The following PKIB variants were observed in gnomAD, a reference collection of about 807,000 sequenced individuals.
PKIB encodes PKI-beta.
Under a neutral mutation model 4.5 loss-of-function variants are expected in PKIB, and 2 were observed. The observed-to-expected ratio is 0.44, with a 90% CI of 0.18 to 1.39. The LOEUF (loss-of-function observed/expected upper bound fraction) is 1.39, where lower values mean the gene tolerates loss of function less well. PKIB is among the 40% of genes most tolerant of loss of function. PKIB has a pLI of 0.27. For synonymous variants in PKIB, 38 were observed against 36.0 expected (o/e 1.06, Z -0.20); for missense variants, 94 against 92.6 (o/e 1.02, Z -0.06).
At chr6:122,606,508 G>A (rs1249660726), upstream of PKIB, among the ~76,000 whole-genome samples, 1 of 150,810 alleles carries the variant, frequency 6.6e-6, no homozygotes, top group Non-Finnish European at 1.5e-5. Context: ...GGAGGCAGAG[G>A]TTGCAGTGAG....
chr6:122,708,715 C>A (rs1326557392), intron 3 of PKIB, among the ~76,000 whole-genome samples: 1 of 152,112 alleles, frequency 6.6e-6, no homozygotes, highest in Non-Finnish European at 1.5e-5. Context: ...GTCACTGCAA[C>A]CTCCTCCTCC....
At chr6:122,605,683 C>G (rs2114748069), upstream of PKIB, among the ~76,000 whole-genome samples, 1 of 152,236 alleles carries the variant, frequency 6.6e-6, no homozygotes, top group Non-Finnish European at 1.5e-5. Flanking sequence ...CCCCTCCCCT[C>G]CAAGAGGGAA....
rs201407344 is a variant in PKIB at position 122,621,544 on chromosome 6, C to T, written c.-161+11009C>T. Among the ~76,000 whole-genome samples the T allele has an allele frequency of 2.6e-5, 4 of 152,228 alleles. No homozygotes were observed. The East Asian group carries it at 5.8e-4, about 22-fold the overall frequency. ...GAATGGTTTCTCTGTAGAGGTGATG[C>T]TATTGTTAGATCTTGAAAGATAACC... On this transcript the variant is annotated intron_variant, in intron 1 of 4. Coordinates refer to ENST00000368452, the MANE Select transcript of PKIB (RefSeq NM_181795.3).
At chr6:122,674,657 A>T (rs1332718386) in intron 2 of PKIB, among the ~76,000 whole-genome samples, 2 of 152,200 alleles carry the variant, frequency 1.3e-5, no homozygotes, top group Non-Finnish European at 2.9e-5. Flanking sequence ...GATTCTCTAC[A>T]ATTATATTCT....
At chr6:122,703,133 A>T (rs1778899662) in intron 3 of PKIB, among the ~76,000 whole-genome samples, 1 of 152,218 alleles carries the variant, frequency 6.6e-6, no homozygotes, top group Non-Finnish European at 1.5e-5. Flanking sequence ...TAAGTAAAAG[A>T]TAATATAACA....
At chr6:122,576,710 A>ATATATTTTTT (rs59569106) in intron 2 of PKIB, among the ~76,000 whole-genome samples, 1,182 of 109,556 alleles carry the variant, frequency 0.011, 40 homozygotes, top group African/African-American at 0.046. Context: ...ATATATATAT[A>ATATATTTTTT]TTTTCTTTTG....
chr6:122,691,564 T>C (rs932489374), intron 3 of PKIB, among the ~76,000 whole-genome samples: 3 of 152,128 alleles, frequency 2.0e-5, no homozygotes, highest in African/African-American at 7.2e-5. Flanking sequence ...CTTTGTTACA[T>C]TTAACCGATA....
chr6:122,702,813 T>C (rs1778881990), intron 3 of PKIB, among the ~76,000 whole-genome samples: 1 of 152,182 alleles, frequency 6.6e-6, no homozygotes, highest in African/African-American at 2.4e-5. Context: ...TACTGTGGCA[T>C]AATGTATAAC....
chr6:122,501,929 CTTT>C (rs59519477), intron 2 of PKIB, among the ~76,000 whole-genome samples: 2,766 of 124,592 alleles, frequency 0.022, 76 homozygotes, highest in African/African-American at 0.071. Context: ...AGCCAGGCCA[CTTT>C]TTTTTTTTTT....
chr6:122,630,743 G>A (rs1032954800), intron 1 of PKIB, among the ~76,000 whole-genome samples: 3 of 152,028 alleles, frequency 2.0e-5, no homozygotes. Flanking sequence ...TGATAAAATC[G>A]GTACTGCACG....
At chr6:122,516,541 CT>C (rs1776759250) in intron 2 of PKIB, among the ~76,000 whole-genome samples, 1 of 152,124 alleles carries the variant, frequency 6.6e-6, no homozygotes, top group African/African-American at 2.4e-5. Flanking sequence ...TCAATATTTA[CT>C]AGGTGACTAA....
intron 2 of PKIB, chr6:122,483,597 G>A (rs530086547): frequency 2.6e-5 from 4 of 152,274 alleles, no homozygotes; most frequent in East Asian, 1.9e-4. Context: ...TAACTCAAAG[G>A]TTTGGTTAGA....
intron 2 of PKIB, among the ~76,000 whole-genome samples, chr6:122,537,131 T>C (rs1390025542): frequency 6.6e-6 from 1 of 152,116 alleles, no homozygotes; most frequent in Non-Finnish European, 1.5e-5. Flanking sequence ...GTTGCTTCTT[T>C]ATTCTTCTTT....
chr6:122,555,912 G>A (rs1304603569), intron 2 of PKIB, among the ~76,000 whole-genome samples: 1 of 152,174 alleles, frequency 6.6e-6, no homozygotes, highest in African/African-American at 2.4e-5. Flanking sequence ...CAAAAGTTCA[G>A]GGGCTTGTCA....
intron 2 of PKIB, among the ~76,000 whole-genome samples, chr6:122,575,980 A>G (rs904431698): frequency 1.3e-5 from 2 of 152,236 alleles, no homozygotes; most frequent in East Asian, 1.9e-4. Context: ...GCAAGAAGCC[A>G]GACACACAAC....
intron 2 of PKIB, among the ~76,000 whole-genome samples, chr6:122,484,571 A>G (rs1244609657): frequency 2.0e-5 from 3 of 152,226 alleles, no homozygotes; most frequent in Non-Finnish European, 4.4e-5. Flanking sequence ...AAGTGAAGGG[A>G]TCATTTTCAG....
chr6:122,544,165 A>G (rs1195294761), intron 2 of PKIB, among the ~76,000 whole-genome samples: 1 of 151,958 alleles, frequency 6.6e-6, no homozygotes, highest in African/African-American at 2.4e-5. Flanking sequence ...AAGAAAATTT[A>G]AAAGTATATA....
At chr6:122,625,291 C>T (rs1341106869) in intron 1 of PKIB, among the ~76,000 whole-genome samples, 2 of 152,056 alleles carry the variant, frequency 1.3e-5, no homozygotes, top group Non-Finnish European at 2.9e-5. Context: ...GCTTTTAGTA[C>T]TTGAATAAAA....
chr6:122,521,020 T>G (rs1360556929), intron 2 of PKIB, among the ~76,000 whole-genome samples: 2 of 152,212 alleles, frequency 1.3e-5, no homozygotes, highest in Non-Finnish European at 2.9e-5. Flanking sequence ...TCTTCAACTT[T>G]TGAAGCACTG....
Sources: gnomAD v4.1 joint callset for allele counts (sites outside exome capture counted in the v4.1 genomes callset) on GRCh38, gnomAD v4.1.1 for gene constraint, MANE v1.5 for transcripts, NCBI Gene and HGNC (gene_info 2026-07-23, HGNC 2026-07-21) for gene names.